USP24: variants seen among roughly 807,000 people sequenced by gnomAD.
USP24 encodes the protein ubiquitin specific peptidase 24, also known as ubiquitin carboxyl-terminal hydrolase 24.
A neutral mutation model predicts 361.6 loss-of-function variants in USP24; 97 were observed. That is an observed-to-expected ratio of 0.27 (90% CI 0.23 to 0.32). USP24 has a LOEUF of 0.32. Among genes scored for constraint, USP24 ranks in the 10% least tolerant of loss-of-function variants. The pLI is 1.00. For synonymous variants in USP24, 1,098 were observed against 1,124.6 expected (o/e 0.98, Z 0.47); for missense variants, 2,353 against 3,165.6 (o/e 0.74, Z 6.16).
At chr1:55,212,711 G>T (rs1242951916) in intron 1 of USP24, among the ~76,000 whole-genome samples, 1 of 152,154 alleles carries the variant, frequency 6.6e-6, no homozygotes, top group African/African-American at 2.4e-5. Flanking sequence ...GTCTCAGCCT[G>T]CCAACCTCTG....
chr1:55,104,211 GC>G (rs2100520708), intron 41 of USP24, among the ~76,000 whole-genome samples, 191 bp from the exon 42 acceptor site: 1 of 152,232 alleles, frequency 6.6e-6, no homozygotes, highest in Admixed American at 6.5e-5. Context: ...TATCTTCTTG[GC>G]CTGATGATAA....
intron 3 of USP24, among the ~76,000 whole-genome samples, chr1:55,175,522 G>A (rs1445412059): frequency 3.3e-5 from 5 of 151,942 alleles, no homozygotes; most frequent in Admixed American, 1.3e-4. Context: ...AATTGCACCC[G>A]GCCTTAACTG....
At chr1:55,162,449 AAATTATTATAGAAATTTAAT>A (rs1314628368) in intron 7 of USP24, among the ~76,000 whole-genome samples, 185 bp from the exon 8 acceptor site, 1 of 152,234 alleles carries the variant, frequency 6.6e-6, no homozygotes, top group African/African-American at 2.4e-5. Flanking sequence ...CAACCCGCTT[AAATTATTATAGAAATTTAAT>A]GTAATTTAAA....
In USP24 at chr1:55,100,977, G is replaced by GAAACATATCA. The variant is rs781373300; in HGVS notation, c.5146-23_5146-14dup. On this transcript the variant is annotated splice_polypyrimidine_tract_variant and intron_variant, in intron 43 of 67. Transcript: ENST00000294383. ...CTGAAAGTAATGACTGCACAGAAAAGAAACATATCAAGCTTGAAATATTTA... is the reference window on the plus strand; with the variant it reads ...CTGAAAGTAATGACTGCACAGAAAAGAAACATATCAAAACATATCAAGCTTGAAATATTTA... 4 of 1,606,260 alleles carry GAAACATATCA rather than the reference G, an allele frequency of 2.5e-6. No homozygotes were observed. Among genetic ancestry groups the GAAACATATCA allele is most frequent in the Non-Finnish European group, 2.5e-6 (3 of 1,177,784 alleles).
rs1553170063 is a variant in USP24 at position 55,190,182 on chromosome 1, A to AAAAG, written c.325-12054_325-12051dup. Among the ~76,000 whole-genome samples, 313 of 150,996 alleles carry AAAAG rather than the reference A, an allele frequency of 2.1e-3. 3 individuals carry two copies. The highest frequency in any genetic ancestry group is 7.1e-3 in the African/African-American group (293 of 41,076). On this transcript the variant is annotated intron_variant, in intron 1 of 67. Transcript: ENST00000294383. ...TCCATCTCAAAAAAAAAAAAAAAAA[A>AAAAG]AAAGAAAGAAAGAAAATATTATTTA... is the stretch of plus-strand genomic sequence containing the variant.
chr1:55,093,718 C>A (rs757791417), intron 52 of USP24: 3 of 476,178 alleles, frequency 6.3e-6, no homozygotes, highest in Non-Finnish European at 1.1e-5. Context: ...TTGTGCCTGC[C>A]AATCATGAGT....
At chr1:55,084,615 T>A (rs1339858191) in intron 56 of USP24, among the ~76,000 whole-genome samples, 1 of 152,176 alleles carries the variant, frequency 6.6e-6, no homozygotes. Flanking sequence ...TTCCCATCCA[T>A]CCTGTCACAC....
In USP24 at chr1:55,182,599, C is replaced by A. The variant is rs377188818; in HGVS notation, c.325-4467G>T. On this transcript the variant is annotated intron_variant, in intron 1 of 67. Coordinates refer to ENST00000294383, the MANE Select transcript of USP24 (RefSeq NM_015306.3). ...TCTAAGGGGGAGCAAGGGGGGAGATCTTATTATGTGCCTCCTGATATGGTG... is the reference window on the plus strand; with the variant it reads ...TCTAAGGGGGAGCAAGGGGGGAGATATTATTATGTGCCTCCTGATATGGTG... 5.3e-5 allele frequency among the ~76,000 whole-genome samples: 8 copies of A among 152,270 alleles called. No individual in the cohort carries two copies. In the East Asian group the frequency reaches 1.4e-3, roughly 26 times the overall value.
Position 55,214,823 on chromosome 1 carries a change from G to A in USP24, c.291C>T (p.Pro97=). The part of the protein sequence containing the change: ...GSTGGGGGFD[P]PPAYHEVVDA... The stretch of plus-strand genomic sequence containing the variant: ...CCACCACCTCGTGGTAGGCGGGCGG[G>A]GGGTCGAAGCCGCCCCCGCCTCCGG... The change falls in exon 1 of 68, where the codon CCC becomes CCT. Residue 97 remains proline (P), a synonymous_variant. Coordinates refer to ENST00000294383, the MANE Select transcript of USP24 (RefSeq NM_015306.3). 1 of 1,223,658 alleles carries A rather than the reference G, an allele frequency of 8.2e-7. No homozygotes were observed. The allele number at this position is 1,223,658 out of a possible 1,614,324, so 75.8% of individuals were successfully genotyped here.
At chr1:55,099,051 G>A (rs1645565760) in intron 45 of USP24, among the ~76,000 whole-genome samples, 2 of 152,212 alleles carry the variant, frequency 1.3e-5, no homozygotes, top group East Asian at 1.9e-4. Context: ...ACAGCACCAC[G>A]AATAACTTTT....
intron 55 of USP24, among the ~76,000 whole-genome samples, chr1:55,087,118 T>C (rs1163932927): frequency 6.6e-6 from 1 of 152,190 alleles, no homozygotes; most frequent in African/African-American, 2.4e-5. Flanking sequence ...AATATGAGTA[T>C]AGTATATATA....
intron 26 of USP24, 35 bp downstream of exon 26, chr1:55,138,573 C>T (rs766729235): frequency 2.1e-6 from 3 of 1,447,340 alleles, no homozygotes; most frequent in African/African-American, 1.4e-5. Context: ...AATAAGACAA[C>T]ATGAAAATGG....
chr1:55,206,936 G>A (rs541807030), intron 1 of USP24, among the ~76,000 whole-genome samples: 13 of 152,230 alleles, frequency 8.5e-5, no homozygotes, highest in African/African-American at 3.1e-4. Flanking sequence ...GGAGGCTGAG[G>A]CAGGCAGATC....
chr1:55,196,407 C>A (rs1028712550), intron 1 of USP24, among the ~76,000 whole-genome samples: 1 of 152,136 alleles, frequency 6.6e-6, no homozygotes, highest in Non-Finnish European at 1.5e-5. Flanking sequence ...ATCCTATCCC[C>A]CACGAAATTA....
chr1:55,158,055 CG>C lies in USP24; in HGVS notation c.1228-686del, dbSNP rs1446152933. Among the ~76,000 whole-genome samples the C allele has an allele frequency of 4.9e-4, 75 of 152,292 alleles. 1 individual carries two copies. Among genetic ancestry groups the C allele is most frequent in the Admixed American group, 4.9e-3 (75 of 15,292 alleles). On this transcript the variant is annotated intron_variant, in intron 10 of 67. Coordinates refer to ENST00000294383, the MANE Select transcript of USP24 (RefSeq NM_015306.3). ...ATGGGAACTGCAGGATGTGAAACAT[CG>C]GATCTATTCATTGTCTTGATCTCTA... is the stretch of plus-strand genomic sequence containing the variant.
chr1:55,088,293 G>A (rs1261347230), intron 55 of USP24, among the ~76,000 whole-genome samples: 2 of 152,232 alleles, frequency 1.3e-5, no homozygotes, highest in East Asian at 3.9e-4. Context: ...TAACTTACCA[G>A]CAGACTGTGA....
intron 4 of USP24, 42 bp downstream of exon 4, chr1:55,172,335 C>CA (rs1176852580): frequency 6.6e-7 from 1 of 1,504,560 alleles, no homozygotes; most frequent in African/African-American, 1.4e-5. Flanking sequence ...GTATTTTAAA[C>CA]AAAATCAAAA....
Position 55,123,548 on chromosome 1 carries a change from A to G in USP24, c.4175T>C (p.Ile1392Thr). 1 of 1,601,966 alleles carries G rather than the reference A, an allele frequency of 6.2e-7. No homozygotes were observed. Among genetic ancestry groups the G allele is most frequent in the Non-Finnish European group, 8.5e-7 (1 of 1,174,100 alleles). The change falls in exon 36 of 68, where the codon ATC becomes ACC. Residue 1392 changes from isoleucine (I) to threonine (T), a missense_variant. By Grantham distance (89) the Ile-to-Thr change is moderately conservative. Coordinates refer to ENST00000294383, the MANE Select transcript of USP24 (RefSeq NM_015306.3). ...GGATACAGACTGTTGTCGAACACAG[A>G]TTCCCGCATGCAGGGCTACTGGTTC... ...EGEPVALHAGICVRQQSVSTK... is the reference protein window; with the variant it reads ...EGEPVALHAGTCVRQQSVSTK...
rs1644860773 is a variant in USP24 at position 55,068,660 on chromosome 1, T to C, written c.*385A>G. The C allele has an allele frequency of 5.3e-6, 1 of 188,372 alleles. No homozygotes were observed. Among genetic ancestry groups the C allele is most frequent in the Non-Finnish European group, 1.1e-5 (1 of 92,660 alleles). The allele number at this position is 188,372 out of a possible 1,614,324, so 11.7% of individuals were successfully genotyped here. A position where few individuals can be genotyped will look rare whatever the true frequency, so the allele number is the denominator to read the frequency against. ...ACATATCTAAAAGCAGCTTGCTTTT[T>C]CTTAAAATATAAAAACCAAAGGAAT... On this transcript the variant is annotated 3_prime_UTR_variant, in exon 68 of 68. Transcript: ENST00000294383.
Sources: allele counts gnomAD v4.1 joint callset (sites outside exome capture counted in the v4.1 genomes callset), GRCh38; gene constraint gnomAD v4.1.1; transcripts MANE v1.5; gene names NCBI Gene and HGNC (gene_info 2026-07-23, HGNC 2026-07-21).